PRKCE: variants seen among roughly 807,000 people sequenced by gnomAD.
PRKCE encodes protein kinase C epsilon type.
PRKCE carries 16 observed loss-of-function variants against 85.4 expected under a neutral mutation model. The ratio of observed to expected loss-of-function variants is 0.19; its 90% CI spans 0.13 to 0.28. The LOEUF (loss-of-function observed/expected upper bound fraction) is 0.28, where lower values mean the gene tolerates loss of function less well. PRKCE is among the 10% of genes least tolerant of loss of function. The pLI is 1.00. For missense variants in PRKCE, 573 were observed against 975.2 expected (o/e 0.59, Z 5.49); for synonymous variants, 388 against 371.5 (o/e 1.04, Z -0.51).
At chr2:46,023,472 A>T (rs1706853185) in intron 10 of PRKCE, among the ~76,000 whole-genome samples, 1 of 152,198 alleles carries the variant, frequency 6.6e-6, no homozygotes, top group African/African-American at 2.4e-5. Context: ...TTGTGGTAGC[A>T]CTTTTGTTTC....
intron 1 of PRKCE, among the ~76,000 whole-genome samples, chr2:45,704,680 G>A (rs559844981): frequency 6.6e-6 from 1 of 152,306 alleles, no homozygotes; most frequent in East Asian, 1.9e-4. Context: ...TGAAATGCCT[G>A]TATGCTGCTG....
At chr2:45,933,502 C>T (rs1297442240) in intron 2 of PRKCE, among the ~76,000 whole-genome samples, 4 of 105,318 alleles carry the variant, frequency 3.8e-5, no homozygotes, top group Non-Finnish European at 6.9e-5. Context: ...GAGACTGAGT[C>T]TCGCTCTGCC....
At chr2:45,968,506 A>C (rs553548400) in intron 2 of PRKCE, among the ~76,000 whole-genome samples, 1 of 152,314 alleles carries the variant, frequency 6.6e-6, no homozygotes, top group South Asian at 2.1e-4. Context: ...GTGATGATGA[A>C]AAACTACCTA....
chr2:46,040,737 T>G (rs1021297128), intron 10 of PRKCE, among the ~76,000 whole-genome samples: 2 of 152,238 alleles, frequency 1.3e-5, no homozygotes, highest in African/African-American at 4.8e-5. Flanking sequence ...GAAAGAGATC[T>G]GTTTATGACA....
Position 46,097,378 on chromosome 2 carries a change from G to C in PRKCE, c.1592+11016G>C, listed in dbSNP as rs189870404. ...CTAAATATACAAAAAAAATTAGCCG[G>C]GCGTGGTGGCGGGCGTCTGTAGTCC... is the stretch of plus-strand genomic sequence containing the variant. On this transcript the variant is annotated intron_variant, in intron 11 of 14. Coordinates refer to ENST00000306156, the MANE Select transcript of PRKCE (RefSeq NM_005400.3). Among the ~76,000 whole-genome samples the C allele has an allele frequency of 6.7e-3, 1,018 of 152,178 alleles. 13 individuals are homozygous for C. The highest frequency in any genetic ancestry group is 0.023 in the African/African-American group (972 of 41,504).
chr2:45,918,430 A>G (rs917334724), intron 2 of PRKCE, among the ~76,000 whole-genome samples: 4 of 152,242 alleles, frequency 2.6e-5, no homozygotes, highest in Admixed American at 6.5e-5. Context: ...GTACCAAACA[A>G]TTTTATCAAC....
intron 10 of PRKCE, among the ~76,000 whole-genome samples, chr2:46,037,564 TG>T (rs556032824): frequency 1.3e-5 from 2 of 152,318 alleles, no homozygotes; most frequent in Non-Finnish European, 2.9e-5. Context: ...AGCTGAGTAT[TG>T]TTTTATTTGC....
At chr2:45,943,686 C>T (rs548537970) in intron 2 of PRKCE, among the ~76,000 whole-genome samples, 118 of 152,208 alleles carry the variant, frequency 7.8e-4, no homozygotes, top group Middle Eastern at 3.4e-3. Context: ...TCTCACCAGA[C>T]GCCAGGATAT....
intron 1 of PRKCE, among the ~76,000 whole-genome samples, chr2:45,666,370 T>C (rs751110433): frequency 1.3e-5 from 2 of 151,974 alleles, no homozygotes; most frequent in Non-Finnish European, 2.9e-5. Flanking sequence ...CCAGCCCCAG[T>C]TGCCTACATA....
chr2:45,916,595 A>G (rs948035932), intron 2 of PRKCE, among the ~76,000 whole-genome samples: 7 of 152,148 alleles, frequency 4.6e-5, no homozygotes, highest in African/African-American at 1.7e-4. Context: ...CTTTTATTTG[A>G]GCAATTTTGA....
At position 45,834,592 on chromosome 2, in the gene PRKCE, A is replaced by G. The variant is rs727308; in HGVS notation, c.349-8408A>G. ...GCAGATCACGTGTGCGCATGTGTGT[A>G]TGTGTGTGTGTGTGTGTGTGTGTAC... On this transcript the variant is annotated intron_variant, in intron 1 of 14. Coordinates refer to ENST00000306156, the MANE Select transcript of PRKCE (RefSeq NM_005400.3). 2.0e-3 allele frequency among the ~76,000 whole-genome samples: 299 copies of G among 149,340 alleles called. 2 individuals carry two copies. Among genetic ancestry groups the G allele is most frequent in the Admixed American group, 7.3e-3 (110 of 15,024 alleles).
intron 1 of PRKCE, among the ~76,000 whole-genome samples, chr2:45,679,817 T>G (rs1005129224): frequency 1.4e-4 from 21 of 152,172 alleles, no homozygotes; most frequent in Admixed American, 8.5e-4. Context: ...TCCCTCCAGC[T>G]AGGGTAGAGA....
chr2:46,156,365 T>C (rs1337035008), intron 13 of PRKCE, among the ~76,000 whole-genome samples: 2 of 151,368 alleles, frequency 1.3e-5, no homozygotes, highest in Non-Finnish European at 3.0e-5. Flanking sequence ...TGTGCTTCTC[T>C]CAGGGAGTTC....
At chr2:45,656,456 A>G (rs1050445420) in intron 1 of PRKCE, among the ~76,000 whole-genome samples, 7 of 152,222 alleles carry the variant, frequency 4.6e-5, no homozygotes, top group African/African-American at 7.2e-5. Flanking sequence ...GTGATGACAA[A>G]GGAGGTTGCT....
rs1360787661 is a variant in PRKCE at position 46,187,567 on chromosome 2, A to G, written c.*2686A>G. ...CCTTTCTCTTTCTCTCTCTCTCTCAAAGAAAAAAAAAATGGGAGTGCAAAA... is the reference window on the plus strand; with the variant it reads ...CCTTTCTCTTTCTCTCTCTCTCTCAGAGAAAAAAAAAATGGGAGTGCAAAA... On this transcript the variant is annotated 3_prime_UTR_variant, in exon 15 of 15. Coordinates refer to ENST00000306156, the MANE Select transcript of PRKCE (RefSeq NM_005400.3). The G allele has an allele frequency of 1.3e-5, 2 of 150,620 alleles. No individual in the cohort carries two copies. The highest frequency in any genetic ancestry group is 4.1e-4 in the East Asian group (2 of 4,854). The allele number at this position is 150,620 out of a possible 1,614,324, so 9.3% of individuals were successfully genotyped here.
At chr2:45,839,100 G>A (rs550805919) in intron 1 of PRKCE, among the ~76,000 whole-genome samples, 1 of 151,530 alleles carries the variant, frequency 6.6e-6, no homozygotes, top group African/African-American at 2.4e-5. Flanking sequence ...CCCACCACGT[G>A]CAGAGTGTCT....
chr2:45,860,777 G>T (rs1176714306), intron 2 of PRKCE, among the ~76,000 whole-genome samples: 1 of 152,060 alleles, frequency 6.6e-6, no homozygotes, highest in Non-Finnish European at 1.5e-5. Flanking sequence ...TACACTCTTG[G>T]GGAACAGGCA....
intron 13 of PRKCE, among the ~76,000 whole-genome samples, chr2:46,152,702 C>G (rs933743602): frequency 6.6e-6 from 1 of 151,352 alleles, no homozygotes; most frequent in Non-Finnish European, 1.5e-5. Context: ...GCGCCCACCA[C>G]CATGCTCAGC....
In PRKCE at chr2:45,905,356, C is replaced by T. The variant is rs547100890; in HGVS notation, c.412+62293C>T. ...CCCTGAATGAGTCCATTAGATTCCA[C>T]AATCAATATCCAGCTTCTAAACATT... On this transcript the variant is annotated intron_variant, in intron 2 of 14. Coordinates refer to ENST00000306156, the MANE Select transcript of PRKCE (RefSeq NM_005400.3). The surrounding 1 kb of genome is among the most constrained non-coding windows in gnomAD (Gnocchi z 4.4). Among the ~76,000 whole-genome samples, 1 of 152,344 alleles carries T rather than the reference C, an allele frequency of 6.6e-6. No homozygotes were observed. The highest frequency in any genetic ancestry group is 1.9e-4 in the East Asian group (1 of 5,192).
Sources: gnomAD v4.1 joint callset for allele counts (sites outside exome capture counted in the v4.1 genomes callset) on GRCh38, gnomAD v4.1.1 for gene constraint, Gnocchi (gnomAD v3.1) non-coding constraint, MANE v1.5 for transcripts, NCBI Gene and HGNC (gene_info 2026-07-23, HGNC 2026-07-21) for gene names.